RBMS1: variants seen among roughly 807,000 people sequenced by gnomAD.
The protein encoded by RBMS1 is RNA binding motif single stranded interacting protein 1.
In RBMS1, 17 loss-of-function variants were observed where a neutral mutation model predicts 62.3. The ratio of observed to expected loss-of-function variants is 0.27; its 90% CI spans 0.19 to 0.41. The LOEUF is 0.41. RBMS1 is among the 10% of genes least tolerant of loss of function. The pLI, the probability that RBMS1 is intolerant of heterozygous loss-of-function variation, is 1.00. For synonymous variants in RBMS1, 172 were observed against 170.0 expected (o/e 1.01, Z -0.09); for missense variants, 334 against 504.5 (o/e 0.66, Z 3.24).
chr2:160,288,293 T>C (rs1688509346), intron 6 of RBMS1, among the ~76,000 whole-genome samples: 1 of 152,178 alleles, frequency 6.6e-6, no homozygotes, highest in African/African-American at 2.4e-5. Flanking sequence ...GAGAAAAATA[T>C]TACTTGTGGA....
chr2:160,437,707 C>A (rs1335188910), intron 1 of RBMS1, among the ~76,000 whole-genome samples: 3 of 152,204 alleles, frequency 2.0e-5, no homozygotes, highest in Admixed American at 1.3e-4. Flanking sequence ...CATAGATGTT[C>A]AAATTCTGAG....
At chr2:160,299,076 C>A (rs1689081448) in intron 6 of RBMS1, among the ~76,000 whole-genome samples, 1 of 152,134 alleles carries the variant, frequency 6.6e-6, no homozygotes, top group Non-Finnish European at 1.5e-5. Flanking sequence ...TTAAGCCACT[C>A]AGCTTGTGGT....
intron 1 of RBMS1, among the ~76,000 whole-genome samples, chr2:160,444,743 C>T (rs898660415): frequency 6.6e-6 from 1 of 152,146 alleles, no homozygotes; most frequent in African/African-American, 2.4e-5. Context: ...GGCTGGGGCC[C>T]TAATCCTACA....
chr2:160,287,815 C>T (rs979729278), intron 6 of RBMS1, among the ~76,000 whole-genome samples: 1 of 151,976 alleles, frequency 6.6e-6, no homozygotes, highest in Admixed American at 6.6e-5. Context: ...AATACTTGTC[C>T]ACCCTATTTA....
At chr2:160,318,493 C>A (rs1341131947) in intron 2 of RBMS1, among the ~76,000 whole-genome samples, 1 of 152,312 alleles carries the variant, frequency 6.6e-6, no homozygotes, top group South Asian at 2.1e-4. Context: ...ACTTACCTGA[C>A]AATCTTAGGA....
At chr2:160,423,190 G>A (rs1399372113) in intron 1 of RBMS1, among the ~76,000 whole-genome samples, 1 of 151,928 alleles carries the variant, frequency 6.6e-6, no homozygotes, top group Non-Finnish European at 1.5e-5. Flanking sequence ...CAGTTTGATT[G>A]CTTGCTTTTC....
chr2:160,342,926 G>A (rs895333748), intron 2 of RBMS1, among the ~76,000 whole-genome samples: 13 of 152,040 alleles, frequency 8.6e-5, no homozygotes, highest in African/African-American at 3.1e-4. Flanking sequence ...CAACAAGAGT[G>A]AGACTGCCTC....
chr2:160,477,848 T>C (rs1685207195), intron 1 of RBMS1, among the ~76,000 whole-genome samples: 2 of 152,250 alleles, frequency 1.3e-5, no homozygotes, highest in African/African-American at 4.8e-5. Flanking sequence ...AAGGTGTTCA[T>C]CATGCCCATC....
In RBMS1 at chr2:160,306,712, C is replaced by T. The variant is rs565063258; in HGVS notation, c.403-3225G>A. Among the ~76,000 whole-genome samples the T allele has an allele frequency of 2.7e-5, 4 of 147,972 alleles. No individual in the cohort carries two copies. In the South Asian group the frequency reaches 6.7e-4, roughly 25 times the overall value. ...TGAATTCTTTTTTTTCTAATCCCTT[C>T]TTTTCACGGGTGTTTTTTTTTTCTT... On this transcript the variant is annotated intron_variant, in intron 4 of 13. Coordinates refer to ENST00000348849, the MANE Select transcript of RBMS1 (RefSeq NM_016836.4).
intron 2 of RBMS1, among the ~76,000 whole-genome samples, chr2:160,352,310 T>C (rs1692561842): frequency 6.6e-6 from 1 of 152,090 alleles, no homozygotes; most frequent in African/African-American, 2.4e-5. Context: ...CAAATAGCTA[T>C]GTGGTTAATG....
intron 1 of RBMS1, among the ~76,000 whole-genome samples, chr2:160,383,444 G>C (rs1694387245): frequency 1.8e-5 from 1 of 56,256 alleles, no homozygotes. Context: ...GTTCTGGTTA[G>C]ACATGAATTG....
chr2:160,365,547 AT>A (rs1410959975), intron 2 of RBMS1, among the ~76,000 whole-genome samples: 4 of 152,174 alleles, frequency 2.6e-5, no homozygotes, highest in African/African-American at 9.7e-5. Flanking sequence ...TACTGACTCA[AT>A]TTTTCAAGTA....
At chr2:160,388,083 A>T (rs1434019419) in intron 1 of RBMS1, among the ~76,000 whole-genome samples, 1 of 152,194 alleles carries the variant, frequency 6.6e-6, no homozygotes. Flanking sequence ...AATCCTAAGC[A>T]AAGTATCCCA....
chr2:160,349,728 T>A (rs1692386768), intron 2 of RBMS1, among the ~76,000 whole-genome samples: 1 of 151,648 alleles, frequency 6.6e-6, no homozygotes, highest in South Asian at 2.1e-4. Flanking sequence ...TATTCTTTCA[T>A]TCAAAAATAT....
intron 1 of RBMS1, among the ~76,000 whole-genome samples, chr2:160,453,967 T>G (rs763363821): frequency 1.3e-5 from 2 of 152,206 alleles, no homozygotes; most frequent in Non-Finnish European, 2.9e-5. Context: ...CCCACTAAGT[T>G]TCAATGTCAT....
chr2:160,355,151 T>C (rs1324958947), intron 2 of RBMS1, among the ~76,000 whole-genome samples: 2 of 152,120 alleles, frequency 1.3e-5, no homozygotes, highest in African/African-American at 2.4e-5. Context: ...AATAATTAAG[T>C]ATTGGAGATC....
At chr2:160,330,714 G>T (rs552604804) in intron 2 of RBMS1, among the ~76,000 whole-genome samples, 1 of 150,656 alleles carries the variant, frequency 6.6e-6, no homozygotes. Context: ...AAAATGAGCC[G>T]ATCATAGAAA....
chr2:160,314,135 G>T (rs763681160), intron 3 of RBMS1, among the ~76,000 whole-genome samples: 1 of 152,112 alleles, frequency 6.6e-6, no homozygotes, highest in Non-Finnish European at 1.5e-5. Context: ...AGCAATAAAA[G>T]AGAAAAACTA....
intron 2 of RBMS1, among the ~76,000 whole-genome samples, chr2:160,321,566 GATTCTTA>G (rs1427662355): frequency 1.3e-5 from 2 of 151,828 alleles, no homozygotes; most frequent in Non-Finnish European, 2.9e-5. Flanking sequence ...ATTTTATTAG[GATTCTTA>G]AATATCCAGT....
Sources: gnomAD v4.1 joint callset for allele counts (sites outside exome capture counted in the v4.1 genomes callset) on GRCh38, gnomAD v4.1.1 for gene constraint, MANE v1.5 for transcripts, NCBI Gene and HGNC (gene_info 2026-07-23, HGNC 2026-07-21) for gene names.